CHST11: variants seen among roughly 807,000 people sequenced by gnomAD.
CHST11 encodes C4S-1.
CHST11 carries 9 observed loss-of-function variants against 30.4 expected under a neutral mutation model. That is an observed-to-expected ratio of 0.30 (90% CI 0.18 to 0.52). CHST11 has a LOEUF of 0.52. Ranked by LOEUF, CHST11 falls within the 20% of genes least tolerant of loss-of-function variation. CHST11 has a pLI of 0.97. For missense variants in CHST11, 348 were observed against 460.6 expected, an observed-to-expected ratio of 0.76 and a Z score of 2.24; for synonymous variants, 152 against 187.8, an observed-to-expected ratio of 0.81 and a Z score of 1.56.
At chr12:104,585,479 T>G (rs1290619404) in intron 1 of CHST11, among the ~76,000 whole-genome samples, 4 of 152,252 alleles carry the variant, frequency 2.6e-5, no homozygotes, top group African/African-American at 7.2e-5. Flanking sequence ...GAACTAATTA[T>G]GGCTTATTGA....
chr12:104,590,555 C>T (rs571166345), intron 1 of CHST11, among the ~76,000 whole-genome samples: 4 of 152,212 alleles, frequency 2.6e-5, no homozygotes, highest in African/African-American at 9.6e-5. Context: ...AACTTAGGGT[C>T]TCGTGGTGGC....
At chr12:104,514,318 G>A (rs1397573482) in intron 1 of CHST11, 4 of 944,048 alleles carry the variant, frequency 4.2e-6, no homozygotes, top group African/African-American at 3.2e-5. Context: ...ATCATTGGCT[G>A]TGCCAGAAAC....
At chr12:104,688,840 C>T (rs2039871634) in intron 2 of CHST11, among the ~76,000 whole-genome samples, 1 of 152,140 alleles carries the variant, frequency 6.6e-6, no homozygotes, top group Non-Finnish European at 1.5e-5. Context: ...CAAGCCATTG[C>T]TACTGGGCAT....
rs1484728720 is a variant in CHST11, at chr12:104,743,942, C to CT, written c.205-13000dup. Among the ~76,000 whole-genome samples the CT allele has an allele frequency of 4.9e-4, 61 of 125,256 alleles. 1 individual carries two copies. Among genetic ancestry groups the CT allele is most frequent in the African/African-American group, 1.6e-3 (51 of 32,070 alleles). The allele number at this position is 125,256 out of a possible 152,430, so 82.2% of individuals were successfully genotyped here. A position where few individuals can be genotyped will look rare whatever the true frequency, so the allele number is the denominator to read the frequency against. ...TGTCCCAGCAGAGGACATGATCTCT[C>CT]TTTTTTTATGGCTGCATAGTACTCC... On this transcript the variant is annotated intron_variant, in intron 2 of 2. Transcript: ENST00000303694.
chr12:104,648,141 G>A (rs1406467418), intron 2 of CHST11, among the ~76,000 whole-genome samples: 8 of 152,162 alleles, frequency 5.3e-5, no homozygotes, highest in Non-Finnish European at 1.0e-4. Flanking sequence ...ACACCTCAGA[G>A]GCTGACTACT....
At chr12:104,706,478 A>T (rs1420558756) in intron 2 of CHST11, among the ~76,000 whole-genome samples, 2 of 151,706 alleles carry the variant, frequency 1.3e-5, no homozygotes, top group African/African-American at 2.4e-5. Flanking sequence ...AGAGAGAGAG[A>T]GAGAGATGAT....
intron 2 of CHST11, among the ~76,000 whole-genome samples, chr12:104,620,266 G>C (rs992662727): frequency 6.6e-6 from 1 of 152,046 alleles, no homozygotes; most frequent in Non-Finnish European, 1.5e-5. Flanking sequence ...TCTCAGCCTC[G>C]GCTCTCCATA....
At chr12:104,493,788 G>A (rs2037773447) in intron 1 of CHST11, among the ~76,000 whole-genome samples, 1 of 152,216 alleles carries the variant, frequency 6.6e-6, no homozygotes, top group Admixed American at 6.5e-5. Context: ...CAGTGGGTGT[G>A]ATGCTGCCTG....
Position 104,757,791 on chromosome 12 carries a change from G to A in CHST11, c.1047G>A (p.Leu349=). Reference sequence around the variant, plus strand: ...TCAATTACTCAGTGCCAAGCTACCTGAAATTGGAATAAAGGGGGTGGGGAG... The same window carrying A: ...TCAATTACTCAGTGCCAAGCTACCTAAAATTGGAATAAAGGGGGTGGGGAG... ...LMFNYSVPSY[L]KLE The change falls in exon 3 of 3, where the codon CTG becomes CTA. Residue 349 remains leucine, a synonymous_variant. Transcript: ENST00000303694. This position sits in a 1 kb window ranked among gnomAD's most constrained non-coding sequence, Gnocchi z 6.5. 6.2e-7 allele frequency: 1 copy of A among 1,610,858 alleles called. No individual in the cohort carries two copies. The highest frequency in any genetic ancestry group is 8.5e-7 in the Non-Finnish European group (1 of 1,177,280).
At chr12:104,619,036 C>T (rs925891720) in intron 2 of CHST11, among the ~76,000 whole-genome samples, 1 of 152,206 alleles carries the variant, frequency 6.6e-6, no homozygotes, top group East Asian at 1.9e-4. Flanking sequence ...AATGCCTGCC[C>T]GCAGATGGGT....
chr12:104,593,525 C>G (rs938679531), intron 1 of CHST11, among the ~76,000 whole-genome samples: 3 of 152,198 alleles, frequency 2.0e-5, no homozygotes, highest in African/African-American at 7.2e-5. Context: ...TTTTGTAAAG[C>G]TCCTGAAGGC....
chr12:104,743,042 G>A (rs192598437), intron 2 of CHST11, among the ~76,000 whole-genome samples: 14 of 152,352 alleles, frequency 9.2e-5, no homozygotes, highest in Non-Finnish European at 1.3e-4. Context: ...CTCATTGGCC[G>A]TCTTGTGACC....
At chr12:104,551,986 C>A (rs2038410121) in intron 1 of CHST11, 1 of 152,238 alleles carries the variant, frequency 6.6e-6, no homozygotes, top group South Asian at 2.1e-4. Flanking sequence ...GCAGAGCATT[C>A]ATTTGTTTAT....
chr12:104,711,951 G>A (rs761761227), intron 2 of CHST11, among the ~76,000 whole-genome samples: 55 of 152,134 alleles, frequency 3.6e-4, no homozygotes, highest in Non-Finnish European at 7.2e-4. Context: ...TGGGAGGGAC[G>A]GGACAGGCAG....
At chr12:104,730,515 A>T (rs2040248315) in intron 2 of CHST11, among the ~76,000 whole-genome samples, 1 of 152,156 alleles carries the variant, frequency 6.6e-6, no homozygotes, top group South Asian at 2.1e-4. Flanking sequence ...GATGGGTATG[A>T]AATAGCCTCC....
chr12:104,487,002 GAT>G (rs1491277202), intron 1 of CHST11, among the ~76,000 whole-genome samples: 2 of 152,204 alleles, frequency 1.3e-5, no homozygotes, highest in African/African-American at 2.4e-5. Flanking sequence ...TCTGGTCTGA[GAT>G]ATTTTAAAGT....
chr12:104,737,252 A>T (rs2040308993), intron 2 of CHST11, among the ~76,000 whole-genome samples: 1 of 152,210 alleles, frequency 6.6e-6, no homozygotes, highest in African/African-American at 2.4e-5. Context: ...CGTGGGAATG[A>T]CTGAGGTCAC....
At chr12:104,618,009 A>G (rs1372525410) in intron 2 of CHST11, among the ~76,000 whole-genome samples, 1 of 151,580 alleles carries the variant, frequency 6.6e-6, no homozygotes, top group Non-Finnish European at 1.5e-5. Context: ...CTAGGGTTCA[A>G]GTGATTCTCC....
intron 2 of CHST11, among the ~76,000 whole-genome samples, chr12:104,718,787 C>T (rs1020724253): frequency 5.9e-5 from 9 of 152,160 alleles, no homozygotes; most frequent in Non-Finnish European, 1.3e-4. Context: ...TGGCCAGTCT[C>T]CCAGGAACTC....
Sources: gnomAD v4.1 joint callset for allele counts (sites outside exome capture counted in the v4.1 genomes callset) on GRCh38, gnomAD v4.1.1 for gene constraint, Gnocchi (gnomAD v3.1) non-coding constraint, MANE v1.5 for transcripts, NCBI Gene and HGNC (gene_info 2026-07-23, HGNC 2026-07-21) for gene names.